The following CEP63 variants were observed in gnomAD, a reference collection of about 807,000 sequenced individuals.
CEP63 encodes centrosomal protein of 63 kDa.
In CEP63, 84 loss-of-function variants were observed where a neutral mutation model predicts 89.1. The observed-to-expected ratio is 0.94, with a 90% CI of 0.79 to 1.13. CEP63 has a LOEUF of 1.13. Ranked by LOEUF, CEP63 falls within the 50% of genes most tolerant of loss-of-function variation. CEP63 has a pLI of 0.00. For missense variants in CEP63, 838 were observed against 813.3 expected, an observed-to-expected ratio of 1.03 and a Z score of -0.37; for synonymous variants, 267 against 272.5, an observed-to-expected ratio of 0.98 and a Z score of 0.20.
chr3:134,732,753 G>T, the CEP63 span, among the ~76,000 whole-genome samples: 1 of 151,980 alleles, frequency 6.6e-6, no homozygotes, highest in Non-Finnish European at 1.5e-5. Flanking sequence ...CTGTTTCCAA[G>T]AAAATTGTCC....
At chr3:134,493,333 A>G (rs1353143946) in intron 1 of CEP63, among the ~76,000 whole-genome samples, 1 of 151,738 alleles carries the variant, frequency 6.6e-6, no homozygotes, top group Non-Finnish European at 1.5e-5. Flanking sequence ...GTTGCAGAGT[A>G]GGACTGTATC....
chr3:134,727,145 T>G, the CEP63 span, among the ~76,000 whole-genome samples: 1 of 152,134 alleles, frequency 6.6e-6, no homozygotes, highest in Non-Finnish European at 1.5e-5. Context: ...TGCCACCATC[T>G]TGGAGTTCTG....
intron 10 of CEP63, among the ~76,000 whole-genome samples, chr3:134,586,769 A>C (rs540095780): frequency 6.6e-6 from 1 of 152,234 alleles, no homozygotes; most frequent in East Asian, 1.9e-4. Flanking sequence ...TCTCCTGTAT[A>C]ATATCCTGAA....
the CEP63 span, among the ~76,000 whole-genome samples, chr3:134,683,729 C>T: frequency 6.6e-6 from 1 of 151,878 alleles, no homozygotes; most frequent in Non-Finnish European, 1.5e-5. Context: ...CTTCCTTTTC[C>T]AGCAAGTTCT....
At position 134,532,790 on chromosome 3, in the gene CEP63, A is replaced by G; in HGVS notation, c.331A>G (p.Lys111Glu). 6.2e-7 allele frequency: 1 copy of G among 1,601,958 alleles called. No homozygotes were observed. Among genetic ancestry groups the G allele is most frequent in the Admixed American group, 1.7e-5 (1 of 60,004 alleles). Residue 111 changes from lysine to glutamate, a missense_variant, in exon 5 of 15, where the codon AAG (lysine) becomes GAG (glutamate). Physicochemically the swap from Lys to Glu is moderately conservative, Grantham distance 56 (BLOSUM62 1). Coordinates refer to ENST00000675561, the MANE Select transcript of CEP63 (RefSeq NM_001353108.3). ...ACTGTTTCTACAGTTATGCATACTG[A>G]AGAGAAGCTATGAAAAGCTTCAGAA... The part of the protein sequence containing the change: ...KKLHEELCIL[K>E]RSYEKLQKKQ...
At chr3:134,557,376 G>GGTTTTTTTTTTT (rs1956390930) in intron 12 of CEP63, among the ~76,000 whole-genome samples, 1 of 101,500 alleles carries the variant, frequency 9.9e-6, no homozygotes, top group African/African-American at 4.9e-5. Flanking sequence ...TTCATAATTT[G>GGTTTTTTTTTTT]TTTTTTTTTT....
At chr3:134,731,736 C>T in the CEP63 span, among the ~76,000 whole-genome samples, 5 of 152,136 alleles carry the variant, frequency 3.3e-5, no homozygotes, top group South Asian at 2.1e-4. Flanking sequence ...ACAAGCACCA[C>T]GTTCCAACAG....
the CEP63 span, among the ~76,000 whole-genome samples, chr3:134,690,645 TC>T: frequency 1.6e-4 from 24 of 152,190 alleles, no homozygotes; most frequent in African/African-American, 5.8e-4. Context: ...GGTCTCAGCA[TC>T]CCTTTAAACT....
At chr3:134,762,899 A>G in the CEP63 span, among the ~76,000 whole-genome samples, 86 of 152,194 alleles carry the variant, frequency 5.7e-4, no homozygotes, top group African/African-American at 1.9e-3. Flanking sequence ...TCTAGCTAAA[A>G]TTTCATGACT....
At chr3:134,744,743 C>T in the CEP63 span, among the ~76,000 whole-genome samples, 21 of 152,196 alleles carry the variant, frequency 1.4e-4, no homozygotes, top group African/African-American at 4.6e-4. Flanking sequence ...GTCTTGAACT[C>T]CTGGGCTCAA....
chr3:134,608,378 G>A, the CEP63 span: 1 of 1,399,776 alleles, frequency 7.1e-7, no homozygotes, highest in East Asian at 3.4e-5. Context: ...GAAACCTGCA[G>A]CCTTCAGACA....
chr3:134,534,967 C>T (rs953279512), intron 5 of CEP63, among the ~76,000 whole-genome samples: 2 of 152,160 alleles, frequency 1.3e-5, no homozygotes, highest in Non-Finnish European at 2.9e-5. Flanking sequence ...TGCCTTCCTT[C>T]CTGGAGGAAC....
intron 2 of CEP63, among the ~76,000 whole-genome samples, chr3:134,500,596 A>C (rs1559875476): frequency 6.6e-6 from 1 of 152,076 alleles, no homozygotes; most frequent in South Asian, 2.1e-4. Context: ...CCTCACCAAC[A>C]TCTGTTATTT....
chr3:134,601,014 A>C, the CEP63 span: 6 of 152,150 alleles, frequency 3.9e-5, no homozygotes, highest in South Asian at 1.0e-3. Context: ...CGCACTTCGG[A>C]CACCTGGGGG....
the CEP63 span, among the ~76,000 whole-genome samples, chr3:134,682,484 A>G: frequency 6.6e-6 from 1 of 152,234 alleles, no homozygotes; most frequent in South Asian, 2.1e-4. Flanking sequence ...GGGAATGGGC[A>G]GGAATGCAGG....
At chr3:134,553,017 C>A (rs945152055) in intron 12 of CEP63, 1 of 152,100 alleles carries the variant, frequency 6.6e-6, no homozygotes, top group Non-Finnish European at 1.5e-5. Flanking sequence ...TGTTTTGTTA[C>A]AAAATTCCTA....
At chr3:134,580,897 T>G (rs1958330757) in intron 10 of CEP63, among the ~76,000 whole-genome samples, 1 of 152,230 alleles carries the variant, frequency 6.6e-6, no homozygotes, top group African/African-American at 2.4e-5. Context: ...CCAATGTAAT[T>G]AATCAGCTAA....
At chr3:134,601,151 A>G in the CEP63 span, 5 of 152,168 alleles carry the variant, frequency 3.3e-5, no homozygotes, top group African/African-American at 1.2e-4. Context: ...AAAATTCATG[A>G]AGATTAGATT....
chr3:134,678,361 T>A, the CEP63 span, among the ~76,000 whole-genome samples: 3 of 152,222 alleles, frequency 2.0e-5, no homozygotes, highest in Non-Finnish European at 4.4e-5. Context: ...CATGTGCTCT[T>A]CCTCTGGTTT....
Sources: gnomAD v4.1 joint callset for allele counts (sites outside exome capture counted in the v4.1 genomes callset) on GRCh38, gnomAD v4.1.1 for gene constraint, MANE v1.5 for transcripts, NCBI Gene and HGNC (gene_info 2026-07-23, HGNC 2026-07-21) for gene names.